Variants in ANKS1A observed in about 807,000 individuals in gnomAD.
ANKS1A encodes ankyrin repeat and SAM domain-containing protein 1A.
Under a neutral mutation model 120.3 loss-of-function variants are expected in ANKS1A, and 55 were observed. That is an observed-to-expected ratio of 0.46 (90% confidence interval 0.37 to 0.57). ANKS1A has a LOEUF of 0.57. ANKS1A is among the 20% of genes least tolerant of loss of function. The pLI is 0.00. For synonymous variants in ANKS1A, 590 were observed against 604.7 expected (o/e 0.98, Z 0.36); for missense variants, 1,123 against 1,480.3 (o/e 0.76, Z 3.96).
chr6:34,965,577 C>T (rs902711331), intron 1 of ANKS1A, among the ~76,000 whole-genome samples: 1 of 152,118 alleles, frequency 6.6e-6, no homozygotes, highest in African/African-American at 2.4e-5. Flanking sequence ...TCTCAAACTT[C>T]TGACTTCAGG....
chr6:35,075,847 A>C lies in ANKS1A; in HGVS notation c.2185-2711A>C, dbSNP rs571008635. 1.7e-3 allele frequency among the ~76,000 whole-genome samples: 262 copies of C among 152,292 alleles called. 5 individuals are homozygous for C. The highest frequency in any genetic ancestry group is 0.017 in the South Asian group (80 of 4,822). ...TGCAATCATGGCTCTCTGTAGCCTT[A>C]ATCTCCCAGGCTCAAGTGTTCCTCC... On this transcript the variant is annotated intron_variant, in intron 13 of 23. Coordinates refer to ENST00000360359, the MANE Select transcript of ANKS1A (RefSeq NM_015245.3).
intron 1 of ANKS1A, among the ~76,000 whole-genome samples, chr6:34,890,213 T>C (rs1766738233): frequency 6.6e-6 from 1 of 151,934 alleles, no homozygotes. Flanking sequence ...TGCCTCTGCC[T>C]CCCAAGTAGC....
chr6:35,090,525 C>G lies in ANKS1A; in HGVS notation c.*1916C>G, dbSNP rs552333563. ...AGCTGCTATATCATCTTTATTTATT[C>G]AGGGTATTTTCATATTGGAAGCCTT... On this transcript the variant is annotated 3_prime_UTR_variant, in exon 24 of 24. Transcript: ENST00000360359. The G allele has an allele frequency of 2.9e-6, 3 of 1,048,444 alleles. No individual in the cohort carries two copies. The highest frequency in any genetic ancestry group is 3.5e-6 in the Non-Finnish European group (3 of 867,630). The allele number at this position is 1,048,444 out of a possible 1,614,324, so 64.9% of individuals were successfully genotyped here. A position where few individuals can be genotyped will look rare whatever the true frequency, so the allele number is the denominator to read the frequency against.
chr6:34,986,404 A>G (rs1346173883), intron 8 of ANKS1A, among the ~76,000 whole-genome samples: 1 of 152,202 alleles, frequency 6.6e-6, no homozygotes, highest in Non-Finnish European at 1.5e-5. Flanking sequence ...TGCCACGCAC[A>G]ACAATTTGAG....
At chr6:35,022,409 C>G (rs1272095860) in intron 11 of ANKS1A, among the ~76,000 whole-genome samples, 1 of 152,178 alleles carries the variant, frequency 6.6e-6, no homozygotes. Context: ...GTTAATGCAG[C>G]CCTGTTGAAC....
intron 10 of ANKS1A, chr6:35,005,908 G>C: frequency 3.1e-6 from 1 of 318,188 alleles, no homozygotes; most frequent in Non-Finnish European, 6.0e-6. Flanking sequence ...CAAGAATTAG[G>C]CCGGGCGCGG....
intron 17 of ANKS1A, 44 bp downstream of exon 17, chr6:35,081,202 C>T: frequency 1.3e-6 from 2 of 1,558,584 alleles, no homozygotes; most frequent in Non-Finnish European, 1.7e-6. Flanking sequence ...CTACCTCATT[C>T]CTCTGGGTGG....
At chr6:34,909,824 A>G (rs1476508439) in intron 1 of ANKS1A, among the ~76,000 whole-genome samples, 1 of 152,210 alleles carries the variant, frequency 6.6e-6, no homozygotes, top group Admixed American at 6.5e-5. Flanking sequence ...ACAGACAAAG[A>G]AGGGGAAAAG....
intron 10 of ANKS1A, among the ~76,000 whole-genome samples, chr6:35,006,235 C>G (rs2127548458): frequency 6.7e-6 from 1 of 150,240 alleles, no homozygotes; most frequent in East Asian, 2.0e-4. Context: ...TATCACACAC[C>G]TGTAATCCCA....
chr6:35,033,026 G>A (rs766138686), intron 11 of ANKS1A, among the ~76,000 whole-genome samples: 7 of 152,252 alleles, frequency 4.6e-5, no homozygotes, highest in East Asian at 1.9e-4. Context: ...TTCACTGCCC[G>A]TTCCTGCCTC....
chr6:34,896,739 T>C (rs1024967806), intron 1 of ANKS1A, among the ~76,000 whole-genome samples: 1 of 151,364 alleles, frequency 6.6e-6, no homozygotes, highest in Non-Finnish European at 1.5e-5. Context: ...CTGAGGCGGG[T>C]GGATCACCTG....
rs74982847 is a variant in ANKS1A, at chr6:35,084,343, G to A, written c.3132+85G>A. ...CCCCATTGCAGGGCACAGATGCGGC[G>A]CTGTCCTGGCCCCTGGCCAGTGCCT... On this transcript the variant is annotated intron_variant, in intron 21 of 23. Coordinates refer to ENST00000360359, the MANE Select transcript of ANKS1A (RefSeq NM_015245.3). This position sits in a 1 kb window ranked among gnomAD's most constrained non-coding sequence, Gnocchi z 4.8. 3,815 of 1,543,810 alleles carry A rather than the reference G, an allele frequency of 2.5e-3. 66 individuals carry two copies. The African/African-American group carries it at 0.043, about 17-fold the overall frequency.
chr6:34,940,645 T>C (rs1045861310), intron 1 of ANKS1A, among the ~76,000 whole-genome samples: 12 of 152,158 alleles, frequency 7.9e-5, no homozygotes, highest in African/African-American at 2.9e-4. Context: ...AAATATTGGC[T>C]CACACTTATA....
At chr6:34,902,274 C>A (rs1396242185) in intron 1 of ANKS1A, among the ~76,000 whole-genome samples, 3 of 151,586 alleles carry the variant, frequency 2.0e-5, no homozygotes, top group Admixed American at 2.0e-4. Context: ...TTTGAGACGG[C>A]GTTTCGCTCT....
chr6:35,030,848 C>G (rs547874890), intron 11 of ANKS1A, among the ~76,000 whole-genome samples: 2 of 152,224 alleles, frequency 1.3e-5, no homozygotes, highest in South Asian at 4.1e-4. Context: ...TTTCTTCTCT[C>G]TCACCTCAGA....
In ANKS1A at chr6:34,981,886, G is replaced by T. The variant is rs1435135340; in HGVS notation, c.632G>T (p.Cys211Phe). The T allele has an allele frequency of 6.2e-7, 1 of 1,614,030 alleles. No individual in the cohort carries two copies. The highest frequency in any genetic ancestry group is 1.1e-5 in the South Asian group (1 of 91,080). Residue 211 changes from cysteine to phenylalanine, a missense_variant, in exon 4 of 24, where the codon TGC becomes TTC. Cys to Phe is a radical substitution (Grantham distance 205). This residue lies in a region of ANKS1A where 146 missense variants were observed against 267.8 expected (regional missense o/e 0.55). Transcript: ENST00000360359. ...AATGCACACCCCAACCTCCTGAGCTGCAACACTAAGAAGCACACCCCTCTG... is the reference window on the plus strand; with the variant it reads ...AATGCACACCCCAACCTCCTGAGCTTCAACACTAAGAAGCACACCCCTCTG... ...LLNAHPNLLS[C>F]NTKKHTPLHL...
At chr6:34,917,593 G>C (rs781591488) in intron 1 of ANKS1A, among the ~76,000 whole-genome samples, 18 of 152,236 alleles carry the variant, frequency 1.2e-4, no homozygotes, top group Non-Finnish European at 2.1e-4. Context: ...CTGATGATGT[G>C]CTGTGGGAAA....
chr6:34,904,494 G>A (rs972523541), intron 1 of ANKS1A, among the ~76,000 whole-genome samples: 9 of 152,178 alleles, frequency 5.9e-5, no homozygotes, highest in Admixed American at 2.0e-4. Context: ...AGCACTTTGG[G>A]AGGCTGAGGT....
rs546080871 is a variant in ANKS1A at position 34,935,066 on chromosome 6, C to A, written c.198-32173C>A. Among the ~76,000 whole-genome samples, 8 of 152,250 alleles carry A rather than the reference C, an allele frequency of 5.3e-5. No individual in the cohort carries two copies. In the East Asian group the frequency reaches 1.5e-3, roughly 29 times the overall value. On this transcript the variant is annotated intron_variant, in intron 1 of 23. Transcript: ENST00000360359. The stretch of plus-strand genomic sequence containing the variant: ...TAGGAGATTTAACTCTGTTTTCATT[C>A]TTCTGGACAGTGATAGGCTGGTTCC...
Sources: allele counts gnomAD v4.1 joint callset (sites outside exome capture counted in the v4.1 genomes callset), GRCh38; gene constraint gnomAD v4.1.1; regional missense constraint gnomAD v4.1.1; non-coding constraint Gnocchi (gnomAD v3.1); transcripts MANE v1.5; gene names NCBI Gene and HGNC (gene_info 2026-07-23, HGNC 2026-07-21).